USF3: variants seen among roughly 807,000 people sequenced by gnomAD.
USF3 encodes the protein upstream transcription factor family member 3, also known as basic helix-loop-helix domain-containing protein USF3.
USF3 carries 29 observed loss-of-function variants against 157.5 expected under a neutral mutation model. The observed-to-expected ratio is 0.18, with a 90% CI of 0.14 to 0.25. USF3 has a LOEUF of 0.25. Among genes scored for constraint, USF3 ranks in the 10% least tolerant of loss-of-function variants. The pLI, the probability that USF3 is intolerant of heterozygous loss-of-function variation, is 1.00. For synonymous variants in USF3, 893 were observed against 941.4 expected, an observed-to-expected ratio of 0.95 and a Z score of 0.94; for missense variants, 2,381 against 2,667.6, an observed-to-expected ratio of 0.89 and a Z score of 2.37.
At chr3:113,672,378 G>A (rs1010747444) in intron 4 of USF3, among the ~76,000 whole-genome samples, 4 of 151,560 alleles carry the variant, frequency 2.6e-5, no homozygotes, top group African/African-American at 7.3e-5. Context: ...CACCTGCCTC[G>A]ACCTCTCCAA....
intron 4 of USF3, among the ~76,000 whole-genome samples, chr3:113,670,531 T>C (rs1169199983): frequency 6.6e-6 from 1 of 150,650 alleles, no homozygotes; most frequent in African/African-American, 2.4e-5. Flanking sequence ...ACCCGGGAGA[T>C]GGAGGCTGCA....
chr3:113,667,960 T>C (rs1218661992), intron 5 of USF3, among the ~76,000 whole-genome samples: 1 of 152,122 alleles, frequency 6.6e-6, no homozygotes, highest in Non-Finnish European at 1.5e-5. Flanking sequence ...GAGTAAGTCC[T>C]TTCCAAGGGA....
intron 5 of USF3, among the ~76,000 whole-genome samples, chr3:113,668,294 G>A (rs1274395982): frequency 1.3e-5 from 2 of 152,054 alleles, no homozygotes; most frequent in African/African-American, 4.8e-5. Flanking sequence ...TGGAAACAGC[G>A]GGGTAGAGTA....
chr3:113,655,217 A>G lies in USF3; in HGVS notation c.6465T>C (p.Ile2155=). The change falls in exon 7 of 7, where the codon ATT becomes ATC. Residue 2155 remains isoleucine (I), a synonymous_variant. Transcript: ENST00000316407. ...SGSLNNRFGS[I]LSPPRPVGFA... is the part of the protein sequence containing the mutation. ...ACCCAACAGGTCTGGGAGGAGATAA[A>G]ATTGATCCAAATCGGTTATTTAAAC... 6.2e-7 allele frequency: 1 copy of G among 1,614,192 alleles called. No individual in the cohort carries two copies. Among genetic ancestry groups the G allele is most frequent in the Non-Finnish European group, 8.5e-7 (1 of 1,180,038 alleles).
In USF3 at chr3:113,654,763, T is replaced by C. The variant is rs190023594; in HGVS notation, c.*181A>G. 1 of 593,874 alleles carries C rather than the reference T, an allele frequency of 1.7e-6. No homozygotes were observed. The highest frequency in any genetic ancestry group is 2.8e-6 in the Non-Finnish European group (1 of 357,324). 36.8% of individuals were successfully genotyped at this position (593,874 alleles called of 1,614,324 possible). A position where few individuals can be genotyped will look rare whatever the true frequency, so the allele number is the denominator to read the frequency against. ...CATGCAGTTGAAAACGAAAGATAACTTGTTTTCTGACAACCCAGTATCTGC... is the reference window on the plus strand; with the variant it reads ...CATGCAGTTGAAAACGAAAGATAACCTGTTTTCTGACAACCCAGTATCTGC... On this transcript the variant is annotated 3_prime_UTR_variant, in exon 7 of 7. Coordinates refer to ENST00000316407, the MANE Select transcript of USF3 (RefSeq NM_001009899.4).
chr3:113,668,834 A>G (rs1371408930), intron 5 of USF3, among the ~76,000 whole-genome samples: 1 of 152,170 alleles, frequency 6.6e-6, no homozygotes, highest in African/African-American at 2.4e-5. Context: ...TTAAAAATAT[A>G]AGAGCTGCAA....
intron 6 of USF3, among the ~76,000 whole-genome samples, chr3:113,663,967 A>G (rs781725092): frequency 6.6e-6 from 1 of 152,086 alleles, no homozygotes; most frequent in African/African-American, 2.4e-5. Context: ...ACTGAGCAGA[A>G]CTCCCCCCTT....
chr3:113,652,286 C>T lies in USF3; in HGVS notation c.*2658G>A, dbSNP rs1947277722. On this transcript the variant is annotated 3_prime_UTR_variant, in exon 7 of 7. Coordinates refer to ENST00000316407, the MANE Select transcript of USF3 (RefSeq NM_001009899.4). ...TTTCAAGTACAAAGAAAAATTTGAA[C>T]GTTGCAGCTTAAAATTCAGTTAAGA... 1 of 152,056 alleles carries T rather than the reference C, an allele frequency of 6.6e-6. No individual in the cohort carries two copies. The highest frequency in any genetic ancestry group is 1.5e-5 in the Non-Finnish European group (1 of 68,006). The allele number at this position is 152,056 out of a possible 1,614,324, so 9.4% of individuals were successfully genotyped here. A position where few individuals can be genotyped will look rare whatever the true frequency, so the allele number is the denominator to read the frequency against.
Position 113,648,869 on chromosome 3 carries a change from T to C in USF3, c.*6075A>G, listed in dbSNP as rs1346853675. 1 of 152,312 alleles carries C rather than the reference T, an allele frequency of 6.6e-6. No individual in the cohort carries two copies. The highest frequency in any genetic ancestry group is 1.5e-5 in the Non-Finnish European group (1 of 67,978). The allele number at this position is 152,312 out of a possible 1,614,324, so 9.4% of individuals were successfully genotyped here. ...TTCTCCTCAGATTTTTCAACTTTTT[T>C]TTACCAAAGTGAAAATATATATATA... On this transcript the variant is annotated 3_prime_UTR_variant, in exon 7 of 7. Transcript: ENST00000316407.
chr3:113,666,030 C>T (rs1202982067), intron 5 of USF3, among the ~76,000 whole-genome samples: 5 of 151,488 alleles, frequency 3.3e-5, no homozygotes, highest in South Asian at 2.1e-4. Context: ...ACTAAAAATA[C>T]AAAATTAGCA....
At chr3:113,663,960 G>A (rs576118020) in intron 6 of USF3, among the ~76,000 whole-genome samples, 101 of 152,268 alleles carry the variant, frequency 6.6e-4, no homozygotes, top group Non-Finnish European at 1.2e-3. Context: ...AAATTTCACT[G>A]AGCAGAACTC....
At chr3:113,672,512 CA>C (rs201089281) in intron 4 of USF3, among the ~76,000 whole-genome samples, 1 of 150,024 alleles carries the variant, frequency 6.7e-6, no homozygotes, top group Non-Finnish European at 1.5e-5. Context: ...ATTTATACAG[CA>C]AAAAAAAATC....
At chr3:113,687,284 C>T (rs1369913690) in intron 1 of USF3, among the ~76,000 whole-genome samples, 1 of 151,210 alleles carries the variant, frequency 6.6e-6, no homozygotes, top group East Asian at 1.9e-4. Context: ...CTAGTACTTC[C>T]TTACTTTTTG....
chr3:113,681,105 G>A (rs1206034300), intron 1 of USF3, among the ~76,000 whole-genome samples: 1 of 152,054 alleles, frequency 6.6e-6, no homozygotes, highest in Non-Finnish European at 1.5e-5. Context: ...AGCCTCCCGA[G>A]TAACTGGGAT....
Position 113,657,835 on chromosome 3 carries a change from C to A in USF3, c.3847G>T (p.Gly1283Cys). 6.2e-7 allele frequency: 1 copy of A among 1,614,138 alleles called. No homozygotes were observed. Among genetic ancestry groups the A allele is most frequent in the Non-Finnish European group, 8.5e-7 (1 of 1,180,014 alleles). ...VNLTVSSSSY[G>C]SQPPGPSLMT... ...AGAGATGGTCCAGGAGGTTGACTGC[C>A]ATAGGAGCTAGATGAAACGGTCAGA... Residue 1283 changes from glycine to cysteine, a missense_variant, in exon 7 of 7, where the codon GGC becomes TGC. Physicochemically the swap from Gly to Cys is radical, Grantham distance 159. This residue lies in a region of USF3 where 1,435 missense variants were observed against 1,550.9 expected (regional missense o/e 0.93). Transcript: ENST00000316407.
At chr3:113,679,558 C>T (rs1413181576) in intron 1 of USF3, among the ~76,000 whole-genome samples, 1 of 151,912 alleles carries the variant, frequency 6.6e-6, no homozygotes, top group African/African-American at 2.4e-5. Context: ...GGATTACAGG[C>T]ACCTGGCACC....
rs1947316111 is a variant in USF3, at chr3:113,654,319, G to C, written c.*625C>G. 6.6e-6 allele frequency: 1 copy of C among 152,594 alleles called. No homozygotes were observed. Among genetic ancestry groups the C allele is most frequent in the African/African-American group, 2.4e-5 (1 of 41,438 alleles). 9.5% of individuals were successfully genotyped at this position (152,594 alleles called of 1,614,324 possible). On this transcript the variant is annotated 3_prime_UTR_variant, in exon 7 of 7. Transcript: ENST00000316407. ...GGGTAACACAGCTCCCTAATTTGAA[G>C]AACAAGACATAAAATTCAGATAATT... is the stretch of plus-strand genomic sequence containing the variant.
At chr3:113,666,197 A>AATAT (rs1194750646) in intron 5 of USF3, among the ~76,000 whole-genome samples, 3 of 148,704 alleles carry the variant, frequency 2.0e-5, no homozygotes, top group African/African-American at 4.9e-5. Flanking sequence ...AAAAATAATA[A>AATAT]ATATATATAT....
At chr3:113,681,809 TC>T (rs1215175660) in intron 1 of USF3, among the ~76,000 whole-genome samples, 6 of 151,406 alleles carry the variant, frequency 4.0e-5, no homozygotes, top group African/African-American at 1.5e-4. Flanking sequence ...AACCTCCACC[TC>T]CCAGGTTCAA....
Sources: gnomAD v4.1 joint callset for allele counts (sites outside exome capture counted in the v4.1 genomes callset) on GRCh38, gnomAD v4.1.1 for gene constraint, gnomAD v4.1.1 regional missense constraint, MANE v1.5 for transcripts, NCBI Gene and HGNC (gene_info 2026-07-23, HGNC 2026-07-21) for gene names.